LAMA2: variants seen among roughly 807,000 people sequenced by gnomAD.
LAMA2 encodes the protein laminin subunit alpha 2.
In LAMA2, 269 loss-of-function variants were observed where a neutral mutation model predicts 364.8. The observed-to-expected ratio is 0.74, with a 90% CI of 0.67 to 0.82. LAMA2 has a LOEUF of 0.82. LAMA2 is among the 40% of genes least tolerant of loss of function. LAMA2 has a pLI of 0.00. For synonymous variants in LAMA2, 1,379 were observed against 1,370.6 expected (o/e 1.01, Z -0.14); for missense variants, 3,807 against 3,873.2 (o/e 0.98, Z 0.45).
intron 1 of LAMA2, among the ~76,000 whole-genome samples, chr6:129,012,462 G>C (rs1784823425): frequency 6.6e-6 from 1 of 152,094 alleles, no homozygotes; most frequent in Non-Finnish European, 1.5e-5. Context: ...TATGATATAA[G>C]AAGTATTCTG....
chr6:129,117,257 C>T lies in LAMA2; in HGVS notation c.639+18842C>T, dbSNP rs974291091. On this transcript the variant is annotated intron_variant, in intron 4 of 64. Transcript: ENST00000421865. The stretch of plus-strand genomic sequence containing the variant: ...TAGAAAAAAGTAAAAGGATTTCAAG[C>T]ATCACTAGTGCAAAGGACAATATTA... Among the ~76,000 whole-genome samples, 5 of 152,134 alleles carry T rather than the reference C, an allele frequency of 3.3e-5. No individual in the cohort carries two copies. In the East Asian group the frequency reaches 5.8e-4, roughly 18 times the overall value.
At chr6:129,293,628 T>C (rs1039330857) in intron 20 of LAMA2, among the ~76,000 whole-genome samples, 2 of 152,020 alleles carry the variant, frequency 1.3e-5, no homozygotes, top group African/African-American at 4.8e-5. Context: ...GTGGTTCTCA[T>C]ATCACAGGAC....
chr6:129,265,968 T>G (rs1787483164), intron 15 of LAMA2, among the ~76,000 whole-genome samples: 1 of 152,124 alleles, frequency 6.6e-6, no homozygotes, highest in Admixed American at 6.6e-5. Context: ...TACATAAATT[T>G]TTTTATGTGT....
chr6:129,474,690 T>C (rs1256534492), intron 52 of LAMA2, among the ~76,000 whole-genome samples: 1 of 152,198 alleles, frequency 6.6e-6, no homozygotes, highest in Non-Finnish European at 1.5e-5. Context: ...CTTCATTTAT[T>C]CTAGTGATGA....
intron 44 of LAMA2, 71 bp downstream of exon 44, chr6:129,443,139 C>A: frequency 8.7e-7 from 1 of 1,148,130 alleles, no homozygotes; most frequent in Non-Finnish European, 1.3e-6. Context: ...AAAGTTTCAG[C>A]TTTGCATGTA....
At position 129,031,108 on chromosome 6, in the gene LAMA2, C is replaced by G. The variant is rs191795594; in HGVS notation, c.113-18810C>G. ...GGAAACAGAATATTTGTGGGTTTCC[C>G]TGCATATTTATGTGTGTGTTCAAAC... On this transcript the variant is annotated intron_variant, in intron 1 of 64. Transcript: ENST00000421865. Among the ~76,000 whole-genome samples the G allele has an allele frequency of 1.1e-3, 162 of 152,194 alleles. 1 individual carries two copies. The highest frequency in any genetic ancestry group is 1.6e-3 in the Non-Finnish European group (109 of 67,992).
chr6:129,431,354 G>A (rs1213217036), intron 41 of LAMA2, among the ~76,000 whole-genome samples: 1 of 150,618 alleles, frequency 6.6e-6, no homozygotes, highest in Non-Finnish European at 1.5e-5. Flanking sequence ...AGCTGAGATT[G>A]CGCCACTGCA....
At chr6:128,960,060 C>A (rs1781383827) in intron 1 of LAMA2, among the ~76,000 whole-genome samples, 1 of 152,022 alleles carries the variant, frequency 6.6e-6, no homozygotes, top group Non-Finnish European at 1.5e-5. Flanking sequence ...TTGCCAATTT[C>A]CCCTATCTTA....
At chr6:129,044,143 G>C (rs1787300087) in intron 1 of LAMA2, among the ~76,000 whole-genome samples, 1 of 151,574 alleles carries the variant, frequency 6.6e-6, no homozygotes, top group African/African-American at 2.4e-5. Flanking sequence ...CTGTTCTTAG[G>C]TGCACTCCAG....
chr6:129,493,270 A>G (rs1784975273), intron 58 of LAMA2, among the ~76,000 whole-genome samples: 1 of 152,218 alleles, frequency 6.6e-6, no homozygotes, highest in Non-Finnish European at 1.5e-5. Context: ...CAACTATTTT[A>G]TAGTATTGGA....
chr6:129,407,102 C>G (rs1030319219), intron 40 of LAMA2, among the ~76,000 whole-genome samples: 6 of 152,180 alleles, frequency 3.9e-5, no homozygotes, highest in Admixed American at 3.3e-4. Context: ...ATTCTAGCCA[C>G]ACTGGCAGCT....
At chr6:129,163,419 C>A (rs573287985) in intron 8 of LAMA2, among the ~76,000 whole-genome samples, 2 of 152,200 alleles carry the variant, frequency 1.3e-5, no homozygotes, top group East Asian at 3.9e-4. Flanking sequence ...AAGTCGCTTG[C>A]GGTCAGGAGT....
chr6:129,072,688 CA>C (rs1158213345), intron 3 of LAMA2, among the ~76,000 whole-genome samples: 12 of 151,496 alleles, frequency 7.9e-5, no homozygotes, highest in Non-Finnish European at 1.3e-4. Flanking sequence ...TTAATTATTC[CA>C]TTTCTTCTTT....
At chr6:129,119,616 T>C (rs1227127351) in intron 4 of LAMA2, among the ~76,000 whole-genome samples, 1 of 152,152 alleles carries the variant, frequency 6.6e-6, no homozygotes, top group Non-Finnish European at 1.5e-5. Context: ...GGCTCGATCT[T>C]GGCTCACTGC....
chr6:129,049,535 A>G (rs575712185), intron 1 of LAMA2, among the ~76,000 whole-genome samples: 3 of 152,156 alleles, frequency 2.0e-5, no homozygotes, highest in Admixed American at 6.6e-5. Context: ...ATTAACATGC[A>G]ATTATGTCTT....
intron 12 of LAMA2, among the ~76,000 whole-genome samples, chr6:129,229,370 C>T (rs1784528698): frequency 6.6e-6 from 1 of 151,990 alleles, no homozygotes; most frequent in African/African-American, 2.4e-5. Flanking sequence ...AGTGAAAAGG[C>T]CCTAAGATAT....
chr6:129,205,471 T>C (rs554336710), intron 12 of LAMA2, among the ~76,000 whole-genome samples: 9 of 141,376 alleles, frequency 6.4e-5, no homozygotes, highest in Non-Finnish European at 1.2e-4. Flanking sequence ...GGGAATTTAT[T>C]CTGTAAGTAT....
intron 12 of LAMA2, among the ~76,000 whole-genome samples, chr6:129,197,923 G>A (rs1583228898): frequency 6.6e-6 from 1 of 152,118 alleles, no homozygotes; most frequent in East Asian, 1.9e-4. Context: ...TAAAGCATTA[G>A]TTCTAATGTT....
At chr6:129,221,014 T>C (rs1783794708) in intron 12 of LAMA2, among the ~76,000 whole-genome samples, 1 of 151,844 alleles carries the variant, frequency 6.6e-6, no homozygotes, top group Non-Finnish European at 1.5e-5. Flanking sequence ...ATACAAAAAT[T>C]AGCCGGGCAT....
Sources: allele counts gnomAD v4.1 joint callset (sites outside exome capture counted in the v4.1 genomes callset), GRCh38; gene constraint gnomAD v4.1.1; transcripts MANE v1.5; gene names NCBI Gene and HGNC (gene_info 2026-07-23, HGNC 2026-07-21).